Variants in UGGT1 observed in about 807,000 individuals in gnomAD.
UGGT1 encodes the protein UDP-glucose:glycoprotein glucosyltransferase 1.
UGGT1 carries 107 observed loss-of-function variants against 203.9 expected under a neutral mutation model. That is an observed-to-expected ratio of 0.52 (90% CI 0.45 to 0.62). UGGT1 has a LOEUF of 0.62. Ranked by LOEUF, UGGT1 falls within the 20% of genes least tolerant of loss-of-function variation. The pLI, the probability that UGGT1 is intolerant of heterozygous loss-of-function variation, is 0.00. For missense variants in UGGT1, 1,673 were observed against 1,867.2 expected, an observed-to-expected ratio of 0.90 and a Z score of 1.92; for synonymous variants, 628 against 653.5, an observed-to-expected ratio of 0.96 and a Z score of 0.59.
rs1687082042 is a variant in UGGT1 at position 128,095,532 on chromosome 2, C to CTCTCCTCCTGTCCT, written c.59-1897_59-1896insTCTCCTCCTGTCCT. Among the ~76,000 whole-genome samples, 3 of 150,724 alleles carry CTCTCCTCCTGTCCT rather than the reference C, an allele frequency of 2.0e-5. 1 individual carries two copies. Among genetic ancestry groups the CTCTCCTCCTGTCCT allele is most frequent in the Non-Finnish European group, 1.5e-5 (1 of 67,880 alleles). On this transcript the variant is annotated intron_variant, in intron 1 of 40. Transcript: ENST00000259253. The stretch of plus-strand genomic sequence containing the variant: ...CTCCTGTCCTGCTCTCCTCCTGTCC[C>CTCTCCTCCTGTCCT]GTAACTCCTCCTGTCCCGCTCTGTT...
Position 128,159,334 on chromosome 2 carries a change from C to T in UGGT1, c.2356-180C>T, listed in dbSNP as rs1352074870. Among the ~76,000 whole-genome samples, 6 of 152,096 alleles carry T rather than the reference C, an allele frequency of 3.9e-5. No homozygotes were observed. In the East Asian group the frequency reaches 7.8e-4, roughly 20 times the overall value. On this transcript the variant is annotated intron_variant, in intron 22 of 40. Coordinates refer to ENST00000259253, the MANE Select transcript of UGGT1 (RefSeq NM_020120.4). Reference sequence around the variant, plus strand: ...CAGGCTGGTCTCGAACTCCTGATCTCGTGGTCCGCCCGCTTTGGCTTTCCA... The same window carrying T: ...CAGGCTGGTCTCGAACTCCTGATCTTGTGGTCCGCCCGCTTTGGCTTTCCA...
chr2:128,122,559 G>A (rs1688432909), intron 10 of UGGT1, among the ~76,000 whole-genome samples: 1 of 151,190 alleles, frequency 6.6e-6, no homozygotes, highest in Non-Finnish European at 1.5e-5. Flanking sequence ...GATTTTGTTT[G>A]TACGTTTTCT....
rs75802629 is a variant in UGGT1 at position 128,105,207 on chromosome 2, A to C, written c.277+1193A>C. Among the ~76,000 whole-genome samples the C allele has an allele frequency of 4.2e-3, 635 of 150,828 alleles. 6 individuals carry two copies. The highest frequency in any genetic ancestry group is 0.014 in the African/African-American group (557 of 41,210). ...CTGTATTGATTTTTTTAACTTTTTA[A>C]TTTTTATTAAAATAATTCATATTTT... On this transcript the variant is annotated intron_variant, in intron 3 of 40. Coordinates refer to ENST00000259253, the MANE Select transcript of UGGT1 (RefSeq NM_020120.4).
At chr2:128,163,548 T>C (rs966039862) in intron 25 of UGGT1, among the ~76,000 whole-genome samples, 8 of 151,922 alleles carry the variant, frequency 5.3e-5, no homozygotes, top group African/African-American at 1.7e-4. Context: ...ACCCCGTCTC[T>C]ACTAAAAATA....
intron 40 of UGGT1, among the ~76,000 whole-genome samples, chr2:128,189,392 A>C (rs1261318516): frequency 6.6e-6 from 1 of 152,258 alleles, no homozygotes; most frequent in Non-Finnish European, 1.5e-5. Context: ...TGATACATAG[A>C]AAATGTTTAG....
intron 16 of UGGT1, among the ~76,000 whole-genome samples, chr2:128,142,091 A>G (rs1313748448): frequency 2.0e-5 from 3 of 151,680 alleles, no homozygotes; most frequent in Admixed American, 6.6e-5. Context: ...ACAGGTGTGC[A>G]CTACCACGGC....
At chr2:128,188,924 A>G (rs1437091883) in intron 40 of UGGT1, among the ~76,000 whole-genome samples, 1 of 152,278 alleles carries the variant, frequency 6.6e-6, no homozygotes, top group Non-Finnish European at 1.5e-5. Context: ...TAACCATAAA[A>G]GTAATTAATT....
At chr2:128,173,448 T>A (rs1691216798) in intron 29 of UGGT1, among the ~76,000 whole-genome samples, 1 of 152,148 alleles carries the variant, frequency 6.6e-6, no homozygotes, top group Non-Finnish European at 1.5e-5. Flanking sequence ...TAGAATAACG[T>A]CCTTATTGTT....
rs765220024 is a variant in UGGT1 at position 128,134,946 on chromosome 2, A to G, written c.1568A>G (p.Asn523Ser). 3.5e-5 allele frequency: 56 copies of G among 1,612,682 alleles called. No individual in the cohort carries two copies. Among genetic ancestry groups the G allele is most frequent in the Non-Finnish European group, 4.7e-5 (55 of 1,178,978 alleles). Reference protein sequence around the residue: ...LMNTAEMFLSNHIPLRIGFIF... With the variant: ...LMNTAEMFLSSHIPLRIGFIF... ...AACACAGCTGAGATGTTCCTTAGTA[A>G]TCATATACCACTAAGGTAACACTGG... The change falls in exon 15 of 41, where the codon AAT (asparagine) becomes AGT (serine). Residue 523 changes from asparagine (N) to serine (S), a missense_variant. By Grantham distance (46) the Asn-to-Ser change is conservative. This residue lies in a region of UGGT1 where 1,073 missense variants were observed against 1,078.7 expected (regional missense o/e 0.99). Coordinates refer to ENST00000259253, the MANE Select transcript of UGGT1 (RefSeq NM_020120.4).
chr2:128,111,536 C>T (rs955885036), intron 5 of UGGT1, among the ~76,000 whole-genome samples: 4 of 152,000 alleles, frequency 2.6e-5, no homozygotes, highest in African/African-American at 7.2e-5. Flanking sequence ...GACGGAGTCT[C>T]GCTCTGTCGC....
chr2:128,181,766 CATT>C (rs1691701888), intron 36 of UGGT1, among the ~76,000 whole-genome samples: 1 of 152,226 alleles, frequency 6.6e-6, no homozygotes, highest in Non-Finnish European at 1.5e-5. Context: ...ATGGGCAAGG[CATT>C]ATTCTACATC....
Position 128,194,357 on chromosome 2 carries a change from C to T in UGGT1, c.*4615C>T, listed in dbSNP as rs1247536216. The T allele has an allele frequency of 6.6e-6, 1 of 151,996 alleles. No individual in the cohort carries two copies. Among genetic ancestry groups the T allele is most frequent in the Non-Finnish European group, 1.5e-5 (1 of 68,138 alleles). The allele number at this position is 151,996 out of a possible 1,614,324, so 9.4% of individuals were successfully genotyped here. ...TCTCAGCTCACTGCAGCCTCTGCCTCCCGGGTTCAAGAGATTCTCCTGACT... is the reference window on the plus strand; with the variant it reads ...TCTCAGCTCACTGCAGCCTCTGCCTTCCGGGTTCAAGAGATTCTCCTGACT... On this transcript the variant is annotated 3_prime_UTR_variant, in exon 41 of 41. Transcript: ENST00000259253.
rs1247745925 is a variant in UGGT1 at position 128,180,931 on chromosome 2, T to C, written c.3942T>C (p.Tyr1314=). 6.2e-7 allele frequency: 1 copy of C among 1,613,312 alleles called. No individual in the cohort carries two copies. The highest frequency in any genetic ancestry group is 8.5e-7 in the Non-Finnish European group (1 of 1,179,226). Residue 1314 remains tyrosine, a synonymous_variant, in exon 36 of 41, where the codon TAT becomes TAC. Transcript: ENST00000259253. ...PYMANEYNFQ[Y]ELVQYKWPRW... is the part of the protein sequence containing the mutation. Reference sequence around the variant, plus strand: ...TGGCAAATGAATACAATTTCCAGTATGAGCTTGTTCAGTACAAATGGCCCC... The same window carrying C: ...TGGCAAATGAATACAATTTCCAGTACGAGCTTGTTCAGTACAAATGGCCCC...
rs1286890372 is a variant in UGGT1, at chr2:128,152,852, C to G, written c.2085C>G (p.Ile695Met). ...ATCAGCCAAATGTTGTTCCACGAAT[C>G]AATTCTAGGATTTTGACAGCTGAAC... ...IMNQPNVVPR[I>M]NSRILTAERD... Residue 695 changes from isoleucine (I) to methionine (M), a missense_variant, in exon 19 of 41, where the codon ATC becomes ATG. Physicochemically the swap from Ile to Met is conservative, Grantham distance 10. Transcript: ENST00000259253. The G allele has an allele frequency of 6.2e-7, 1 of 1,613,956 alleles. No homozygotes were observed. The highest frequency in any genetic ancestry group is 1.7e-5 in the Admixed American group (1 of 59,988).
rs190055563 is a variant in UGGT1 at position 128,102,880 on chromosome 2, G to C, written c.195-1052G>C. 1.5e-3 allele frequency among the ~76,000 whole-genome samples: 231 copies of C among 152,198 alleles called. 4 individuals are homozygous for C. Among genetic ancestry groups the C allele is most frequent in the Non-Finnish European group, 1.2e-4 (8 of 67,998 alleles). On this transcript the variant is annotated intron_variant, in intron 2 of 40. Transcript: ENST00000259253. The stretch of plus-strand genomic sequence containing the variant: ...TCCTGATGTATCTGTCTTAGGACTT[G>C]TTTTCTTAGACTATAAGCTATGCCA...
intron 26 of UGGT1, among the ~76,000 whole-genome samples, chr2:128,168,671 A>G (rs1361878658): frequency 6.6e-6 from 1 of 152,250 alleles, no homozygotes; most frequent in Non-Finnish European, 1.5e-5. Context: ...AAAGTTCATT[A>G]GAGGTTCCTG....
chr2:128,094,580 T>G (rs1170056190), intron 1 of UGGT1, among the ~76,000 whole-genome samples: 1 of 152,100 alleles, frequency 6.6e-6, no homozygotes, highest in Non-Finnish European at 1.5e-5. Flanking sequence ...AAACTGCTAG[T>G]ACGTAGCAAA....
Position 128,120,389 on chromosome 2 carries a change from A to G in UGGT1, c.906A>G (p.Lys302=). ...DLHPDLEGQL[K]ELRKHLVEST... ...ACCCCGACCTGGAGGGACAGTTGAA[A>G]GAACTCAGAAAGCATCTTGTAGAGA... The change falls in exon 9 of 41, where the codon AAA becomes AAG. Residue 302 remains lysine (K), a synonymous_variant. Coordinates refer to ENST00000259253, the MANE Select transcript of UGGT1 (RefSeq NM_020120.4). 1 of 1,614,104 alleles carries G rather than the reference A, an allele frequency of 6.2e-7. No individual in the cohort carries two copies. Among genetic ancestry groups the G allele is most frequent in the South Asian group, 1.1e-5 (1 of 91,066 alleles).
chr2:128,167,766 C>T (rs1478345513), intron 26 of UGGT1, among the ~76,000 whole-genome samples: 1 of 152,162 alleles, frequency 6.6e-6, no homozygotes, highest in Non-Finnish European at 1.5e-5. Context: ...TTCCCATTTC[C>T]ACACAAATAC....
Sources: gnomAD v4.1 joint callset for allele counts (sites outside exome capture counted in the v4.1 genomes callset) on GRCh38, gnomAD v4.1.1 for gene constraint, gnomAD v4.1.1 regional missense constraint, MANE v1.5 for transcripts, NCBI Gene and HGNC (gene_info 2026-07-23, HGNC 2026-07-21) for gene names.